The following RAP1GAP2 variants were observed in gnomAD, a reference collection of about 807,000 sequenced individuals.
The protein encoded by RAP1GAP2 is RAP1 GTPase activating protein 2.
A neutral mutation model predicts 95.0 loss-of-function variants in RAP1GAP2; 27 were observed. That is an observed-to-expected ratio of 0.28 (90% CI 0.21 to 0.39). The LOEUF (loss-of-function observed/expected upper bound fraction) is 0.39. RAP1GAP2 is among the 10% of genes least tolerant of loss of function. The pLI, the probability that RAP1GAP2 is intolerant of heterozygous loss-of-function variation, is 1.00. For missense variants in RAP1GAP2, 771 were observed against 970.0 expected (o/e 0.79, Z 2.72); for synonymous variants, 373 against 380.9 (o/e 0.98, Z 0.24).
At chr17:2,944,661 C>CA (rs1347640299) in intron 3 of RAP1GAP2, among the ~76,000 whole-genome samples, 6 of 152,118 alleles carry the variant, frequency 3.9e-5, no homozygotes, top group Non-Finnish European at 8.8e-5. Context: ...TCAGTTTCTT[C>CA]AAAACATCCA....
chr17:2,803,371 GGGGAAGAAAGCA>G (rs1163544198), intron 2 of RAP1GAP2, among the ~76,000 whole-genome samples: 1 of 152,160 alleles, frequency 6.6e-6, no homozygotes, highest in African/African-American at 2.4e-5. Context: ...TGGAATTTAT[GGGGAAGAAAGCA>G]GGGTGCCCCA....
intron 3 of RAP1GAP2, among the ~76,000 whole-genome samples, chr17:2,912,577 C>T (rs2042425015): frequency 6.6e-6 from 1 of 152,060 alleles, no homozygotes; most frequent in African/African-American, 2.4e-5. Flanking sequence ...TTTCCCTCTT[C>T]AAGAAAACCC....
chr17:2,756,030 C>A (rs955880095), intron 1 of RAP1GAP2, among the ~76,000 whole-genome samples: 1 of 152,144 alleles, frequency 6.6e-6, no homozygotes, highest in Non-Finnish European at 1.5e-5. Context: ...TTGGGGGAAC[C>A]CCGTCCCCCT....
intron 19 of RAP1GAP2, among the ~76,000 whole-genome samples, chr17:3,021,904 G>A (rs1471685981): frequency 6.6e-6 from 1 of 152,174 alleles, no homozygotes; most frequent in Non-Finnish European, 1.5e-5. Context: ...CACTCAGGTG[G>A]GTTCTGTACC....
chr17:3,018,309 A>G (rs17762549), intron 18 of RAP1GAP2, 111 bp downstream of exon 18: 36,242 of 1,367,952 alleles, frequency 0.026, 528 homozygotes, highest in Non-Finnish European at 0.03. Flanking sequence ...TGATCAGGGC[A>G]AGCTGGATGA....
intron 3 of RAP1GAP2, among the ~76,000 whole-genome samples, chr17:2,948,767 T>A (rs2043804217): frequency 6.6e-6 from 1 of 151,110 alleles, no homozygotes; most frequent in African/African-American, 2.4e-5. Context: ...GGAGAAGCTG[T>A]GCCTGTGTGT....
chr17:2,900,522 A>G (rs577564641), intron 2 of RAP1GAP2, among the ~76,000 whole-genome samples: 3 of 146,680 alleles, frequency 2.0e-5, no homozygotes, highest in African/African-American at 7.6e-5. Flanking sequence ...GCTCACTGCA[A>G]CCTCCCCCTC....
chr17:2,833,435 C>A (rs1419926143), intron 2 of RAP1GAP2, among the ~76,000 whole-genome samples: 1 of 151,940 alleles, frequency 6.6e-6, no homozygotes, highest in East Asian at 1.9e-4. Context: ...CCGCGCCTGG[C>A]CTGTTCTTGG....
Position 3,030,995 on chromosome 17 carries a change from T to C in RAP1GAP2, c.2181T>C (p.Gly727=). Reference sequence around the variant, plus strand: ...ACAAGCTCAGCCATGCCAGCTCTGGTGCGGTAAGGATGCGCCTCCCACACC... The same window carrying C: ...ACAAGCTCAGCCATGCCAGCTCTGGCGCGGTAAGGATGCGCCTCCCACACC... The part of the protein sequence containing the change: ...RFDKLSHASS[G]AGH The change falls in exon 23 of 25, where the codon GGT becomes GGC. Residue 727 remains glycine, a synonymous_variant. Coordinates refer to ENST00000254695, the MANE Select transcript of RAP1GAP2 (RefSeq NM_015085.5). 6.2e-7 allele frequency: 1 copy of C among 1,604,032 alleles called. No homozygotes were observed. Among genetic ancestry groups the C allele is most frequent in the Non-Finnish European group, 8.5e-7 (1 of 1,175,052 alleles).
chr17:2,774,566 G>A (rs1046452559), upstream of RAP1GAP2, among the ~76,000 whole-genome samples: 5 of 147,482 alleles, frequency 3.4e-5, no homozygotes, highest in South Asian at 2.2e-4. Context: ...TCCGACTCCC[G>A]GTTCAAGCGA....
intron 11 of RAP1GAP2, among the ~76,000 whole-genome samples, chr17:2,986,323 A>C (rs1200316804): frequency 6.6e-6 from 1 of 152,178 alleles, no homozygotes; most frequent in Non-Finnish European, 1.5e-5. Flanking sequence ...AATCATTTTC[A>C]CATATTACAT....
In RAP1GAP2 at chr17:2,801,648, T is replaced by TGA. The variant is rs1555544716; in HGVS notation, c.80+1099_80+1100dup. Among the ~76,000 whole-genome samples, 126 of 138,294 alleles carry TGA rather than the reference T, an allele frequency of 9.1e-4. 1 individual carries two copies. The highest frequency in any genetic ancestry group is 3.6e-3 in the East Asian group (16 of 4,480). The allele number at this position is 138,294 out of a possible 152,430, so 90.7% of individuals were successfully genotyped here. ...GTGTGTGTGTGTGTGTGTGTGTGTG[T>TGA]GATGTCAGCTGCTCATCAAGTCATT... On this transcript the variant is annotated intron_variant, in intron 2 of 24. Coordinates refer to ENST00000254695, the MANE Select transcript of RAP1GAP2 (RefSeq NM_015085.5).
chr17:2,996,776 T>C (rs1435734146), intron 13 of RAP1GAP2, among the ~76,000 whole-genome samples: 1 of 152,220 alleles, frequency 6.6e-6, no homozygotes, highest in Non-Finnish European at 1.5e-5. Context: ...TTTCTCTTCC[T>C]GAGAAATGGA....
chr17:2,896,970 T>G (rs545859991), intron 2 of RAP1GAP2, among the ~76,000 whole-genome samples: 9 of 152,206 alleles, frequency 5.9e-5, no homozygotes, highest in Admixed American at 5.9e-4. Flanking sequence ...GTCTGCTCTA[T>G]GCAGGGGACC....
At chr17:2,842,459 G>A (rs1027162795) in intron 2 of RAP1GAP2, among the ~76,000 whole-genome samples, 4 of 150,198 alleles carry the variant, frequency 2.7e-5, no homozygotes, top group Non-Finnish European at 5.9e-5. Flanking sequence ...GAATCCGGGA[G>A]GCAGAGGTTG....
At chr17:2,976,067 G>A (rs1257202486) in intron 8 of RAP1GAP2, among the ~76,000 whole-genome samples, 2 of 152,138 alleles carry the variant, frequency 1.3e-5, no homozygotes, top group Admixed American at 1.3e-4. Flanking sequence ...ACTTAATAAC[G>A]TCGTCTTGAA....
chr17:2,819,520 C>T (rs1403653135), intron 2 of RAP1GAP2, among the ~76,000 whole-genome samples: 4 of 151,796 alleles, frequency 2.6e-5, no homozygotes, highest in Non-Finnish European at 4.4e-5. Flanking sequence ...GTCACCCAGG[C>T]TGGAGTGCAG....
chr17:2,866,393 C>T lies in RAP1GAP2; in HGVS notation c.81-38891C>T, dbSNP rs987114118. ...CTGTGGGAGGCTTCCCTGCTCCCCG[C>T]CTCCCCTAGACTCAGGGCAGTTGGT... On this transcript the variant is annotated intron_variant, in intron 2 of 24. Transcript: ENST00000254695. This position sits in a 1 kb window ranked among gnomAD's most constrained non-coding sequence, Gnocchi z 4.0. Among the ~76,000 whole-genome samples, 11 of 152,186 alleles carry T rather than the reference C, an allele frequency of 7.2e-5. No individual in the cohort carries two copies. Among genetic ancestry groups the T allele is most frequent in the African/African-American group, 2.4e-4 (10 of 41,434 alleles).
intron 1 of RAP1GAP2, among the ~76,000 whole-genome samples, chr17:2,798,624 C>T (rs1444086706): frequency 8.0e-6 from 1 of 124,288 alleles, no homozygotes; most frequent in East Asian, 2.8e-4. Flanking sequence ...ACCTCTGGCA[C>T]CAGGGGCAGA....
Sources: gnomAD v4.1 joint callset for allele counts (sites outside exome capture counted in the v4.1 genomes callset) on GRCh38, gnomAD v4.1.1 for gene constraint, Gnocchi (gnomAD v3.1) non-coding constraint, MANE v1.5 for transcripts, NCBI Gene and HGNC (gene_info 2026-07-23, HGNC 2026-07-21) for gene names.